POC1B: variants seen among roughly 807,000 people sequenced by gnomAD.
POC1B encodes the protein POC1 centriolar protein B, also known as POC1 centriolar protein homolog B.
In POC1B, 44 loss-of-function variants were observed where a neutral mutation model predicts 60.6. That is an observed-to-expected ratio of 0.73 (90% CI 0.57 to 0.93). The LOEUF is 0.93. Ranked by LOEUF, POC1B falls within the 40% of genes least tolerant of loss-of-function variation. The pLI is 0.00. For missense variants in POC1B, 555 were observed against 572.3 expected (o/e 0.97, Z 0.31); for synonymous variants, 180 against 198.9 (o/e 0.90, Z 0.80).
At chr12:89,481,527 C>T (rs919544075) in intron 4 of POC1B, among the ~76,000 whole-genome samples, 1 of 152,036 alleles carries the variant, frequency 6.6e-6, no homozygotes, top group Non-Finnish European at 1.5e-5. Flanking sequence ...TCTCACTGGG[C>T]ACAGGAAACA....
the POC1B span, among the ~76,000 whole-genome samples, chr12:89,408,408 T>C: frequency 3.9e-5 from 6 of 152,272 alleles, no homozygotes; most frequent in South Asian, 1.0e-3. Context: ...GCTGAACTAA[T>C]TTACACTCCC....
chr12:89,407,732 A>G, the POC1B span, among the ~76,000 whole-genome samples: 1 of 152,326 alleles, frequency 6.6e-6, no homozygotes, highest in South Asian at 2.1e-4. Context: ...CATTTTGACT[A>G]TGCAGCAACT....
chr12:89,448,030 C>T (rs1881860351), intron 10 of POC1B, among the ~76,000 whole-genome samples: 1 of 152,126 alleles, frequency 6.6e-6, no homozygotes, highest in Admixed American at 6.6e-5. Flanking sequence ...AGCCTGGATT[C>T]TGCCTACAGC....
At chr12:89,504,936 C>G (rs1248896666) in intron 2 of POC1B, among the ~76,000 whole-genome samples, 1 of 151,924 alleles carries the variant, frequency 6.6e-6, no homozygotes, top group Non-Finnish European at 1.5e-5. Context: ...GAGACTCCAT[C>G]TCTACAAAAA....
intron 4 of POC1B, among the ~76,000 whole-genome samples, chr12:89,482,640 C>A (rs1345183457): frequency 6.6e-6 from 1 of 152,070 alleles, no homozygotes; most frequent in Non-Finnish European, 1.5e-5. Context: ...AAAATGCAAA[C>A]TAAAAGACAA....
chr12:89,478,085 TCA>T (rs1276178467), intron 4 of POC1B, among the ~76,000 whole-genome samples: 3 of 27,310 alleles, frequency 1.1e-4, no homozygotes, highest in Admixed American at 3.1e-4. Context: ...CCACATTCAT[TCA>T]TTCATTCATT....
At chr12:89,407,148 CAAAAAAA>C in the POC1B span, among the ~76,000 whole-genome samples, 62 of 63,386 alleles carry the variant, frequency 9.8e-4, no homozygotes, top group African/African-American at 3.8e-3. Flanking sequence ...GACTCCGTCT[CAAAAAAA>C]AAAAAAAAAA....
chr12:89,410,519 A>T, the POC1B span, among the ~76,000 whole-genome samples: 9 of 152,078 alleles, frequency 5.9e-5, no homozygotes, highest in Non-Finnish European at 1.2e-4. Flanking sequence ...TCTCTACTAA[A>T]AATACAAAAC....
At position 89,501,236 on chromosome 12, in the gene POC1B, A is replaced by G. The variant is rs1195092322; in HGVS notation, c.101-3894T>C. The G allele has an allele frequency of 6.2e-6, 8 of 1,299,488 alleles. No homozygotes were observed. The Admixed American group carries it at 1.3e-4, about 22-fold the overall frequency. The allele number at this position is 1,299,488 out of a possible 1,614,324, so 80.5% of individuals were successfully genotyped here. A position where few individuals can be genotyped will look rare whatever the true frequency, so the allele number is the denominator to read the frequency against. On this transcript the variant is annotated intron_variant, in intron 2 of 11. Coordinates refer to ENST00000313546, the MANE Select transcript of POC1B (RefSeq NM_172240.3). ...GTAGAGACATCTCAGCCCTCTGATA[A>G]AACAGTACTGGATACAAGTTATGCT...
intron 9 of POC1B, among the ~76,000 whole-genome samples, chr12:89,463,479 A>G (rs1186963147): frequency 1.3e-5 from 2 of 152,180 alleles, no homozygotes; most frequent in Non-Finnish European, 2.9e-5. Flanking sequence ...GGGGCAGGAC[A>G]ATGCAATCCA....
intron 9 of POC1B, chr12:89,461,711 A>G (rs574012898): frequency 6.6e-6 from 1 of 152,276 alleles, no homozygotes; most frequent in South Asian, 2.1e-4. Flanking sequence ...ATATAACTGC[A>G]ATGCTATAGT....
chr12:89,504,601 T>TAA (rs1555185813), intron 2 of POC1B, among the ~76,000 whole-genome samples: 980 of 18,914 alleles, frequency 0.052, 12 homozygotes, highest in African/African-American at 0.14. Context: ...GAATGATCAA[T>TAA]AAAAAAAAAA....
chr12:89,484,229 G>C (rs1592618784), intron 4 of POC1B, among the ~76,000 whole-genome samples: 1 of 152,084 alleles, frequency 6.6e-6, no homozygotes, highest in African/African-American at 2.4e-5. Context: ...TAAACATGTG[G>C]GACAAATGGG....
At chr12:89,425,010 A>G (rs1363436210) in intron 11 of POC1B, 151 bp downstream of exon 11, 6 of 695,484 alleles carry the variant, frequency 8.6e-6, no homozygotes, top group South Asian at 7.5e-5. Flanking sequence ...TTATCTCTAC[A>G]AGATCTTGTT....
chr12:89,489,747 G>A (rs777908375), intron 4 of POC1B, among the ~76,000 whole-genome samples: 1 of 152,174 alleles, frequency 6.6e-6, no homozygotes, highest in Non-Finnish European at 1.5e-5. Context: ...GTTTTCCCCT[G>A]CTGACCACCT....
At chr12:89,523,305 T>C (rs759770915) in intron 2 of POC1B, 36 of 1,613,980 alleles carry the variant, frequency 2.2e-5, no homozygotes, top group Middle Eastern at 1.6e-4. Context: ...ACCGCTCTCG[T>C]AGTAATTTTC....
In POC1B at chr12:89,472,118, G is replaced by A. The variant is rs200707679; in HGVS notation, c.560+50C>T. 6.8e-5 allele frequency: 80 copies of A among 1,169,670 alleles called. No homozygotes were observed. The East Asian group carries it at 1.1e-3, about 16-fold the overall frequency. The allele number at this position is 1,169,670 out of a possible 1,614,324, so 72.5% of individuals were successfully genotyped here. On this transcript the variant is annotated intron_variant, in intron 5 of 11. Transcript: ENST00000313546. ...TTTATTTAAATTGTTATAATCAAAC[G>A]TCTCCTTAGAAAACTAACCCACATA... is the stretch of plus-strand genomic sequence containing the variant.
chr12:89,468,341 GCA>G lies in POC1B; in HGVS notation c.811-658_811-657del, dbSNP rs953305742. Reference sequence around the variant, plus strand: ...GCGGAGTTGGACAAGACTGTGCTTGGCACAGTCACAAGATGGATAGCCTCTAG... The same window carrying G: ...GCGGAGTTGGACAAGACTGTGCTTGGCAGTCACAAGATGGATAGCCTCTAG... On this transcript the variant is annotated intron_variant, in intron 7 of 11. Transcript: ENST00000313546. Among the ~76,000 whole-genome samples, 6 of 152,236 alleles carry G rather than the reference GCA, an allele frequency of 3.9e-5. No individual in the cohort carries two copies. The South Asian group carries it at 1.2e-3, about 32-fold the overall frequency.
At chr12:89,440,099 T>G (rs1444198356) in intron 10 of POC1B, among the ~76,000 whole-genome samples, 3 of 152,194 alleles carry the variant, frequency 2.0e-5, no homozygotes, top group Non-Finnish European at 4.4e-5. Flanking sequence ...TTCATTTTTG[T>G]GAAATGAATG....
Sources: gnomAD v4.1 joint callset for allele counts (sites outside exome capture counted in the v4.1 genomes callset) on GRCh38, gnomAD v4.1.1 for gene constraint, MANE v1.5 for transcripts, NCBI Gene and HGNC (gene_info 2026-07-23, HGNC 2026-07-21) for gene names.